Variants in FBXL17 observed in about 807,000 individuals in gnomAD.
FBXL17 encodes the protein F-box/LRR-repeat protein 17.
FBXL17 carries 22 observed loss-of-function variants against 66.2 expected under a neutral mutation model. The ratio of observed to expected loss-of-function variants is 0.33; its 90% CI spans 0.24 to 0.47. The LOEUF (loss-of-function observed/expected upper bound fraction) is 0.47. FBXL17 is among the 20% of genes least tolerant of loss of function. The pLI is 1.00. For synonymous variants in FBXL17, 474 were observed against 400.5 expected (o/e 1.18, Z -2.19); for missense variants, 878 against 948.2 (o/e 0.93, Z 0.97).
Position 108,326,455 on chromosome 5 carries a change from G to C in FBXL17, c.1506+21944C>G, listed in dbSNP as rs990112048. ...TAAAAATAAAAATTAAAAAAAAAATGAGCTGGGCATGGTGGTGCACGCCTG... is the reference window on the plus strand; with the variant it reads ...TAAAAATAAAAATTAAAAAAAAAATCAGCTGGGCATGGTGGTGCACGCCTG... On this transcript the variant is annotated intron_variant, in intron 4 of 8. Transcript: ENST00000542267. Among the ~76,000 whole-genome samples, 18 of 150,546 alleles carry C rather than the reference G, an allele frequency of 1.2e-4. No homozygotes were observed. In the East Asian group the frequency reaches 3.3e-3, roughly 28 times the overall value.
intron 5 of FBXL17, among the ~76,000 whole-genome samples, chr5:108,219,928 C>CTTTTTTTTTTTTTT: frequency 3.2e-4 from 12 of 37,430 alleles, no homozygotes; most frequent in East Asian, 1.4e-3. Flanking sequence ...TTACTATTTC[C>CTTTTTTTTTTTTTT]TTTTTTTTTT....
intron 3 of FBXL17, among the ~76,000 whole-genome samples, chr5:108,360,542 T>A (rs1748278629): frequency 6.6e-6 from 1 of 152,168 alleles, no homozygotes. Flanking sequence ...CTGACAATTA[T>A]ACTATAATGT....
intron 7 of FBXL17, among the ~76,000 whole-genome samples, chr5:107,991,096 G>A (rs1304565060): frequency 1.3e-5 from 2 of 152,050 alleles, no homozygotes; most frequent in African/African-American, 2.4e-5. Context: ...AAACTGTAGG[G>A]GTAATGTCAA....
intron 7 of FBXL17, among the ~76,000 whole-genome samples, chr5:107,967,555 T>C (rs1194410953): frequency 2.2e-5 from 3 of 136,852 alleles, no homozygotes; most frequent in South Asian, 5.6e-4. Context: ...GGGGGAGGGA[T>C]AGCATTAGGA....
chr5:107,921,030 G>A (rs898587893), intron 7 of FBXL17, among the ~76,000 whole-genome samples: 5 of 152,046 alleles, frequency 3.3e-5, no homozygotes, highest in African/African-American at 7.2e-5. Flanking sequence ...AAAAGCCACA[G>A]AACATAGATA....
Position 108,381,150 on chromosome 5 carries a change from C to A in FBXL17, c.542G>T (p.Gly181Val). The change falls in exon 1 of 9, where the codon GGG becomes GTG. Residue 181 changes from glycine to valine, a missense_variant. Physicochemically the swap from Gly to Val is moderately radical, Grantham distance 109 (BLOSUM62 -3). Around this residue, in one of 4 missense-constraint regions of FBXL17, gnomAD observed 605 missense variants for 509.5 expected, o/e 1.19. Transcript: ENST00000542267. Reference sequence around the variant, plus strand: ...GAGCTCGGCCGGTGACGGTGTCGGCCCCCGGAAGAGCTGCACGGCGGCGGG... The same window carrying A: ...GAGCTCGGCCGGTGACGGTGTCGGCACCCGGAAGAGCTGCACGGCGGCGGG... ...GPPAAVQLFRGPTPSPAELPT... is the reference protein window; with the variant it reads ...GPPAAVQLFRVPTPSPAELPT... 1 of 1,403,670 alleles carries A rather than the reference C, an allele frequency of 7.1e-7. No homozygotes were observed. Among genetic ancestry groups the A allele is most frequent in the Non-Finnish European group, 9.2e-7 (1 of 1,081,520 alleles). 87.0% of individuals were successfully genotyped at this position (1,403,670 alleles called of 1,614,324 possible).
intron 6 of FBXL17, among the ~76,000 whole-genome samples, chr5:108,162,050 C>T (rs1387809974): frequency 6.6e-6 from 1 of 152,188 alleles, no homozygotes; most frequent in Non-Finnish European, 1.5e-5. Flanking sequence ...AAGCATTATA[C>T]AATTATTGCT....
intron 8 of FBXL17, among the ~76,000 whole-genome samples, chr5:107,868,961 T>C (rs1418179121): frequency 1.3e-5 from 2 of 152,340 alleles, no homozygotes; most frequent in East Asian, 3.9e-4. Context: ...CTCAAGTGTA[T>C]ACCTGCAGTA....
At chr5:108,337,255 CAAA>C (rs1222260145) in intron 4 of FBXL17, among the ~76,000 whole-genome samples, 11 of 68,496 alleles carry the variant, frequency 1.6e-4, no homozygotes, top group Admixed American at 5.1e-4. Context: ...GACTCCATCT[CAAA>C]AAAAAAAAAA....
chr5:107,947,972 A>G (rs996869083), intron 7 of FBXL17, among the ~76,000 whole-genome samples: 1 of 152,204 alleles, frequency 6.6e-6, no homozygotes, highest in Non-Finnish European at 1.5e-5. Flanking sequence ...CATCTCATAG[A>G]AATATATCAG....
intron 7 of FBXL17, among the ~76,000 whole-genome samples, chr5:107,887,780 G>A (rs147639811): frequency 2.0e-3 from 303 of 152,238 alleles, no homozygotes; most frequent in African/African-American, 6.9e-3. Context: ...AAGTACAGAC[G>A]CCTGAGTCCC....
intron 3 of FBXL17, among the ~76,000 whole-genome samples, chr5:108,356,707 G>A (rs1388856581): frequency 6.6e-6 from 1 of 151,988 alleles, no homozygotes; most frequent in Non-Finnish European, 1.5e-5. Context: ...AGGATTTTTA[G>A]AGCAGTGAAA....
chr5:108,325,714 G>A (rs114693428), intron 4 of FBXL17, among the ~76,000 whole-genome samples: 69 of 152,220 alleles, frequency 4.5e-4, no homozygotes, highest in African/African-American at 7.7e-4. Context: ...CCTAGAAGTC[G>A]TGGCATCTGA....
At chr5:108,256,460 C>T (rs1228076390) in intron 4 of FBXL17, among the ~76,000 whole-genome samples, 1 of 152,130 alleles carries the variant, frequency 6.6e-6, no homozygotes, top group East Asian at 1.9e-4. Context: ...TGTCTTTCCA[C>T]ACCACCTCTA....
At chr5:108,181,224 C>CA (rs1752989797) in intron 6 of FBXL17, among the ~76,000 whole-genome samples, 1 of 152,074 alleles carries the variant, frequency 6.6e-6, no homozygotes, top group South Asian at 2.1e-4. Flanking sequence ...GATATAAATA[C>CA]AAAAAAATTT....
chr5:108,118,805 A>G (rs1173328347), intron 6 of FBXL17, among the ~76,000 whole-genome samples: 1 of 152,150 alleles, frequency 6.6e-6, no homozygotes, highest in Admixed American at 6.5e-5. Context: ...TTCTGGACAC[A>G]TCCAACTTCT....
chr5:108,055,104 A>G (rs1029897422), intron 6 of FBXL17, among the ~76,000 whole-genome samples: 1 of 151,964 alleles, frequency 6.6e-6, no homozygotes, highest in African/African-American at 2.4e-5. Flanking sequence ...TCTTCAATAA[A>G]ATAACAGAAC....
chr5:108,077,770 A>ATT (rs1457415331), intron 6 of FBXL17, among the ~76,000 whole-genome samples: 3 of 152,104 alleles, frequency 2.0e-5, no homozygotes, highest in Admixed American at 6.5e-5. Flanking sequence ...TGAATCCTGA[A>ATT]TTGTTTCCTG....
intron 3 of FBXL17, among the ~76,000 whole-genome samples, chr5:108,355,050 C>T (rs1055141911): frequency 4.6e-5 from 7 of 151,884 alleles, no homozygotes; most frequent in Non-Finnish European, 1.0e-4. Context: ...GAAAATGACA[C>T]AGGTCAAAAA....
Sources: allele counts gnomAD v4.1 joint callset (sites outside exome capture counted in the v4.1 genomes callset), GRCh38; gene constraint gnomAD v4.1.1; regional missense constraint gnomAD v4.1.1; transcripts MANE v1.5; gene names NCBI Gene and HGNC (gene_info 2026-07-23, HGNC 2026-07-21).